LRRN1: variants seen among roughly 807,000 people sequenced by gnomAD.
LRRN1 encodes the protein leucine rich repeat neuronal 1.
In LRRN1, 14 loss-of-function variants were observed where a neutral mutation model predicts 45.8. The ratio of observed to expected loss-of-function variants is 0.31; its 90% CI spans 0.20 to 0.48. The LOEUF (loss-of-function observed/expected upper bound fraction) is 0.48, where lower values mean the gene tolerates loss of function less well. Ranked by LOEUF, LRRN1 falls within the 20% of genes least tolerant of loss-of-function variation. LRRN1 has a pLI of 0.99. For synonymous variants in LRRN1, 359 were observed against 330.1 expected (o/e 1.09, Z -0.95); for missense variants, 789 against 874.2 (o/e 0.90, Z 1.23).
intron 1 of LRRN1, 38 bp from the exon 2 acceptor site, chr3:3,844,326 T>C (rs978251366): frequency 6.2e-5 from 15 of 240,678 alleles, no homozygotes; most frequent in Non-Finnish European, 9.6e-5. Flanking sequence ...AGAAAGTATA[T>C]GGAATAAGCA....
intron 1 of LRRN1, among the ~76,000 whole-genome samples, chr3:3,818,903 A>C (rs889947218): frequency 1.3e-5 from 2 of 152,186 alleles, no homozygotes; most frequent in African/African-American, 4.8e-5. Flanking sequence ...GAAGTAGGGT[A>C]AGGAAAGTCA....
At chr3:3,822,795 G>C (rs931406825) in intron 1 of LRRN1, 1 of 152,104 alleles carries the variant, frequency 6.6e-6, no homozygotes, top group Non-Finnish European at 1.5e-5. Flanking sequence ...GAGAAGGGTT[G>C]GATTTTGAAG....
chr3:3,846,748 A>G lies in LRRN1; in HGVS notation c.2107A>G (p.Lys703Glu). ...EKDKDGSADTKPTQVDTSRSY... is the reference protein window; with the variant it reads ...EKDKDGSADTEPTQVDTSRSY... ...AGACAAAGATGGTTCTGCAGACACC[A>G]AGCCAACCCAGGTCGACACATCCAG... Residue 703 changes from lysine to glutamate, a missense_variant, in exon 2 of 2, where the codon AAG becomes GAG. Physicochemically the swap from Lys to Glu is moderately conservative, Grantham distance 56. Transcript: ENST00000319331. The surrounding 1 kb of genome is among the most constrained non-coding windows in gnomAD (Gnocchi z 5.7). The G allele has an allele frequency of 6.2e-7, 1 of 1,613,166 alleles. No individual in the cohort carries two copies. The highest frequency in any genetic ancestry group is 8.5e-7 in the Non-Finnish European group (1 of 1,179,774).
At chr3:3,819,763 A>G (rs960836661) in intron 1 of LRRN1, among the ~76,000 whole-genome samples, 1 of 152,096 alleles carries the variant, frequency 6.6e-6, no homozygotes, top group African/African-American at 2.4e-5. Context: ...GGACTTCAAC[A>G]TCTCTTTTTT....
At chr3:3,827,696 G>A (rs1364812253) in intron 1 of LRRN1, among the ~76,000 whole-genome samples, 1 of 152,184 alleles carries the variant, frequency 6.6e-6, no homozygotes, top group African/African-American at 2.4e-5. Flanking sequence ...GGCCAATCCA[G>A]AAAGGATACA....
intron 1 of LRRN1, among the ~76,000 whole-genome samples, chr3:3,840,061 AG>A (rs1693614164): frequency 6.6e-6 from 1 of 152,118 alleles, no homozygotes; most frequent in Admixed American, 6.5e-5. Flanking sequence ...TCCCATTCTT[AG>A]AGGAGAAACT....
intron 1 of LRRN1, chr3:3,827,501 T>C (rs1274161724): frequency 8.8e-6 from 4 of 456,558 alleles, no homozygotes; most frequent in Admixed American, 4.7e-5. Flanking sequence ...AATCTATTTT[T>C]CTTAAACTCT....
chr3:3,822,259 A>G (rs1029854048), intron 1 of LRRN1, among the ~76,000 whole-genome samples: 1 of 152,208 alleles, frequency 6.6e-6, no homozygotes, highest in South Asian at 2.1e-4. Flanking sequence ...TAAGAGCTTA[A>G]TAAGAACTAA....
rs1553563076 is a variant in LRRN1, at chr3:3,834,531, T to TATATATATATATATATATC, written c.-278-9815_-278-9814insCATATATATATATATATAT. On this transcript the variant is annotated intron_variant, in intron 1 of 1. Transcript: ENST00000319331. ...TCTTAGAGGGACAGAACAGGATATA[T>TATATATATATATATATATC]ATATATATATATATATATATATGAT... 2.7e-4 allele frequency among the ~76,000 whole-genome samples: 28 copies of TATATATATATATATATATC among 102,524 alleles called. 6 individuals carry two copies. The highest frequency in any genetic ancestry group is 4.3e-4 in the East Asian group (1 of 2,348). The allele number at this position is 102,524 out of a possible 152,430, so 67.3% of individuals were successfully genotyped here. A position where few individuals can be genotyped will look rare whatever the true frequency, so the allele number is the denominator to read the frequency against.
At position 3,801,743 on chromosome 3, in the gene LRRN1, G is replaced by A. The variant is rs149204435; in HGVS notation, c.-279+1824G>A. 2.0e-3 allele frequency among the ~76,000 whole-genome samples: 297 copies of A among 152,294 alleles called. 2 individuals carry two copies. The highest frequency in any genetic ancestry group is 6.9e-3 in the African/African-American group (285 of 41,558). ...CAAATTCTTTAAGTGCTATTGTATTGAAAGCTCAAAGTGCTGCTTGCTCTT... is the reference window on the plus strand; with the variant it reads ...CAAATTCTTTAAGTGCTATTGTATTAAAAGCTCAAAGTGCTGCTTGCTCTT... On this transcript the variant is annotated intron_variant, in intron 1 of 1. Coordinates refer to ENST00000319331, the MANE Select transcript of LRRN1 (RefSeq NM_020873.7).
intron 1 of LRRN1, among the ~76,000 whole-genome samples, chr3:3,800,527 G>T (rs532588696): frequency 1.9e-4 from 29 of 152,226 alleles, no homozygotes; most frequent in African/African-American, 6.5e-4. Context: ...CCGAACTCTC[G>T]GCGGTCCACG....
intron 1 of LRRN1, among the ~76,000 whole-genome samples, chr3:3,807,338 A>G (rs532249677): frequency 1.3e-5 from 2 of 152,356 alleles, no homozygotes; most frequent in Admixed American, 6.5e-5. Flanking sequence ...TAGATGTTAT[A>G]GTGGTATCAT....
chr3:3,807,240 A>G (rs1202891334), intron 1 of LRRN1, among the ~76,000 whole-genome samples: 1 of 152,230 alleles, frequency 6.6e-6, no homozygotes, highest in Non-Finnish European at 1.5e-5. Context: ...CTGGGAAGAA[A>G]GGTTCATAGG....
In LRRN1 at chr3:3,846,814, G is replaced by A; in HGVS notation, c.*22G>A. On this transcript the variant is annotated 3_prime_UTR_variant, in exon 2 of 2. Coordinates refer to ENST00000319331, the MANE Select transcript of LRRN1 (RefSeq NM_020873.7). The surrounding 1 kb of genome is among the most constrained non-coding windows in gnomAD (Gnocchi z 5.7). ...GTAACTCAGAGGATATTTTGCTTCT[G>A]GTAGTAAGGAGCACAAAGACGTTTT... The A allele has an allele frequency of 1.9e-6, 3 of 1,553,246 alleles. No individual in the cohort carries two copies. Among genetic ancestry groups the A allele is most frequent in the South Asian group, 2.4e-5 (2 of 83,240 alleles).
At chr3:3,824,599 C>A (rs1035439059) in intron 1 of LRRN1, among the ~76,000 whole-genome samples, 1 of 152,120 alleles carries the variant, frequency 6.6e-6, no homozygotes, top group Non-Finnish European at 1.5e-5. Flanking sequence ...CAACCCCCAA[C>A]CTACCTAAGC....
In LRRN1 at chr3:3,844,514, C is replaced by A; in HGVS notation, c.-128C>A. 1.3e-6 allele frequency: 1 copy of A among 750,920 alleles called. No homozygotes were observed. The highest frequency in any genetic ancestry group is 2.1e-6 in the Non-Finnish European group (1 of 466,338). 46.5% of individuals were successfully genotyped at this position (750,920 alleles called of 1,614,324 possible). A position where few individuals can be genotyped will look rare whatever the true frequency, so the allele number is the denominator to read the frequency against. ...CATCCCTTTGGACTCTGGAATTCTA[C>A]ACAGCTCAACCAAGACTTTGCTTGA... On this transcript the variant is annotated 5_prime_UTR_variant, in exon 2 of 2. Coordinates refer to ENST00000319331, the MANE Select transcript of LRRN1 (RefSeq NM_020873.7).
At chr3:3,827,540 C>T (rs1481531279) in intron 1 of LRRN1, 1 of 455,076 alleles carries the variant, frequency 2.2e-6, no homozygotes, top group Non-Finnish European at 4.4e-6. Flanking sequence ...CTTGGTTGAA[C>T]AAAAATCCCA....
At chr3:3,830,555 C>G (rs1028072268) in intron 1 of LRRN1, among the ~76,000 whole-genome samples, 33 of 152,206 alleles carry the variant, frequency 2.2e-4, no homozygotes, top group Non-Finnish European at 8.8e-5. Flanking sequence ...ATCTGTGAAC[C>G]AGGCCCTAGT....
chr3:3,840,179 T>C (rs1468213374), intron 1 of LRRN1, among the ~76,000 whole-genome samples: 1 of 152,196 alleles, frequency 6.6e-6, no homozygotes, highest in Non-Finnish European at 1.5e-5. Flanking sequence ...AGTGTTTTTA[T>C]CATGAAAAAG....
Sources: allele counts gnomAD v4.1 joint callset (sites outside exome capture counted in the v4.1 genomes callset), GRCh38; gene constraint gnomAD v4.1.1; non-coding constraint Gnocchi (gnomAD v3.1); transcripts MANE v1.5; gene names NCBI Gene and HGNC (gene_info 2026-07-23, HGNC 2026-07-21).